The following SLC35F3 variants were observed in gnomAD, a reference collection of about 807,000 sequenced individuals.
SLC35F3 encodes the protein putative thiamine transporter SLC35F3.
A neutral mutation model predicts 49.9 loss-of-function variants in SLC35F3; 25 were observed. The ratio of observed to expected loss-of-function variants is 0.50; its 90% confidence interval spans 0.37 to 0.70. SLC35F3 has a LOEUF of 0.70. SLC35F3 is among the 30% of genes least tolerant of loss of function. The pLI, the probability that SLC35F3 is intolerant of heterozygous loss-of-function variation, is 0.00. For synonymous variants in SLC35F3, 275 were observed against 265.4 expected, an observed-to-expected ratio of 1.04 and a Z score of -0.35; for missense variants, 525 against 639.8, an observed-to-expected ratio of 0.82 and a Z score of 1.94.
At chr1:234,167,950 A>G (rs376105332) in intron 2 of SLC35F3, among the ~76,000 whole-genome samples, 2 of 152,230 alleles carry the variant, frequency 1.3e-5, no homozygotes, top group African/African-American at 2.4e-5. Flanking sequence ...TTGTGGGCCT[A>G]TAGCCCCTGT....
rs376448202 is a variant in SLC35F3 at position 233,961,411 on chromosome 1, C to T, written c.283+55653C>T. Among the ~76,000 whole-genome samples the T allele has an allele frequency of 8.6e-5, 13 of 151,074 alleles. No homozygotes were observed. The South Asian group carries it at 1.0e-3, about 12-fold the overall frequency. On this transcript the variant is annotated intron_variant, in intron 2 of 7. Transcript: ENST00000366618. ...ACTTGCGTTTCCACCTCCCAAATCC[C>T]GACTGACGTGTCCTCATTTCAGCTT...
At chr1:234,069,362 A>G (rs1664680355) in intron 2 of SLC35F3, among the ~76,000 whole-genome samples, 1 of 150,036 alleles carries the variant, frequency 6.7e-6, no homozygotes, top group African/African-American at 2.5e-5. Context: ...GGTTCAAGTG[A>G]TTCTCCTGGC....
At chr1:234,118,560 G>A (rs12562011) in intron 2 of SLC35F3, among the ~76,000 whole-genome samples, 21,065 of 152,156 alleles carry the variant, frequency 0.14, 3,196 homozygotes, top group East Asian at 0.81. Context: ...GAGGAAGAGG[G>A]AAGAGTGACA....
At chr1:234,148,967 G>C (rs1666034635) in intron 2 of SLC35F3, among the ~76,000 whole-genome samples, 1 of 152,202 alleles carries the variant, frequency 6.6e-6, no homozygotes, top group African/African-American at 2.4e-5. Flanking sequence ...GGGATGGAAT[G>C]GGAGCAGAGA....
chr1:233,955,283 A>G lies in SLC35F3; in HGVS notation c.283+49525A>G, dbSNP rs1316157555. 4.0e-5 allele frequency among the ~76,000 whole-genome samples: 6 copies of G among 151,878 alleles called. No individual in the cohort carries two copies. The East Asian group carries it at 1.2e-3, about 29-fold the overall frequency. Reference sequence around the variant, plus strand: ...AGGAAGAAAGATTTAAATTCCACCAAGAAGGTCTTTCTATTGATTAGAGTA... The same window carrying G: ...AGGAAGAAAGATTTAAATTCCACCAGGAAGGTCTTTCTATTGATTAGAGTA... On this transcript the variant is annotated intron_variant, in intron 2 of 7. Coordinates refer to ENST00000366618, the MANE Select transcript of SLC35F3 (RefSeq NM_173508.4).
Position 234,231,279 on chromosome 1 carries a change from C to T in SLC35F3, c.284-138C>T, listed in dbSNP as rs1667365234. ...TTGCAGCTTGCTGTCACACAGCCGC[C>T]CTGGAAGCCGCCCCTGCACCCGCTA... On this transcript the variant is annotated intron_variant, in intron 2 of 7. Coordinates refer to ENST00000366618, the MANE Select transcript of SLC35F3 (RefSeq NM_173508.4). This position sits in a 1 kb window ranked among gnomAD's most constrained non-coding sequence, Gnocchi z 5.4. 1.0e-5 allele frequency: 7 copies of T among 687,254 alleles called. No individual in the cohort carries two copies. Among genetic ancestry groups the T allele is most frequent in the East Asian group, 2.8e-5 (1 of 35,206 alleles). The allele number at this position is 687,254 out of a possible 1,614,324, so 42.6% of individuals were successfully genotyped here. A position where few individuals can be genotyped will look rare whatever the true frequency, so the allele number is the denominator to read the frequency against.
At chr1:233,905,167 G>T in intron 1 of SLC35F3, 37 bp downstream of exon 1, 2 of 1,548,960 alleles carry the variant, frequency 1.3e-6, no homozygotes. Context: ...GCGAGCCGGC[G>T]GGCGGGAGGC....
intron 2 of SLC35F3, among the ~76,000 whole-genome samples, chr1:234,111,226 T>C (rs1463308019): frequency 1.3e-5 from 2 of 152,212 alleles, no homozygotes; most frequent in Non-Finnish European, 2.9e-5. Context: ...TAATTTAATC[T>C]AGCTCCTGAT....
intron 2 of SLC35F3, among the ~76,000 whole-genome samples, chr1:234,080,784 A>G (rs1422909006): frequency 6.6e-6 from 1 of 152,224 alleles, no homozygotes; most frequent in African/African-American, 2.4e-5. Context: ...ATGGTTACTC[A>G]CAGGTATAAG....
intron 2 of SLC35F3, among the ~76,000 whole-genome samples, chr1:234,019,244 G>A (rs536251310): frequency 1.3e-5 from 2 of 152,288 alleles, no homozygotes; most frequent in African/African-American, 4.8e-5. Context: ...TGTCTCTCCT[G>A]AACCTTGAGT....
intron 2 of SLC35F3, among the ~76,000 whole-genome samples, chr1:234,172,486 C>T (rs1050238064): frequency 2.6e-5 from 4 of 152,158 alleles, no homozygotes; most frequent in African/African-American, 4.8e-5. Context: ...CTTGGCCTCC[C>T]GAAGTGCTAG....
chr1:234,228,736 T>G (rs1667324373), intron 2 of SLC35F3, among the ~76,000 whole-genome samples: 1 of 152,072 alleles, frequency 6.6e-6, no homozygotes. Flanking sequence ...GAGGGGTGTG[T>G]GTATGTGTGT....
chr1:234,133,784 G>A (rs926873320), intron 2 of SLC35F3, among the ~76,000 whole-genome samples: 11 of 152,168 alleles, frequency 7.2e-5, no homozygotes, highest in African/African-American at 2.7e-4. Flanking sequence ...TAAAACTAGC[G>A]GCTTAATTAT....
rs189040802 is a variant in SLC35F3, at chr1:234,087,184, A to G, written c.284-144233A>G. 9.2e-5 allele frequency among the ~76,000 whole-genome samples: 14 copies of G among 152,250 alleles called. No individual in the cohort carries two copies. In the East Asian group the frequency reaches 2.5e-3, roughly 27 times the overall value. On this transcript the variant is annotated intron_variant, in intron 2 of 7. Coordinates refer to ENST00000366618, the MANE Select transcript of SLC35F3 (RefSeq NM_173508.4). ...CCTTTGGTGTGTGCCATGCTCATCTAGGGATGGGGAAAGGGATTCCTCTTC... is the reference window on the plus strand; with the variant it reads ...CCTTTGGTGTGTGCCATGCTCATCTGGGGATGGGGAAAGGGATTCCTCTTC...
At chr1:234,058,261 G>C (rs1572035618) in intron 2 of SLC35F3, among the ~76,000 whole-genome samples, 2 of 129,824 alleles carry the variant, frequency 1.5e-5, no homozygotes, top group East Asian at 4.9e-4. Context: ...AACCAACCTT[G>C]TATTCCTATA....
At chr1:234,095,705 A>G (rs1424731294) in intron 2 of SLC35F3, among the ~76,000 whole-genome samples, 1 of 152,168 alleles carries the variant, frequency 6.6e-6, no homozygotes, top group Non-Finnish European at 1.5e-5. Context: ...GAGTCAACCT[A>G]CTTGGGGTCT....
chr1:234,189,587 A>G (rs1666702149), intron 2 of SLC35F3, among the ~76,000 whole-genome samples: 1 of 151,986 alleles, frequency 6.6e-6, no homozygotes, highest in South Asian at 2.1e-4. Context: ...AAATTACCAA[A>G]CCTAAGAATT....
intron 2 of SLC35F3, among the ~76,000 whole-genome samples, chr1:233,999,920 T>G (rs1663524860): frequency 6.6e-6 from 1 of 152,200 alleles, no homozygotes; most frequent in Non-Finnish European, 1.5e-5. Flanking sequence ...TGAAAACATT[T>G]CAACATTTAG....
At chr1:234,085,910 A>C (rs1179755048) in intron 2 of SLC35F3, among the ~76,000 whole-genome samples, 2 of 152,234 alleles carry the variant, frequency 1.3e-5, no homozygotes, top group Non-Finnish European at 2.9e-5. Context: ...TCACCTGGCA[A>C]TAGTTGATAT....
Sources: allele counts gnomAD v4.1 joint callset (sites outside exome capture counted in the v4.1 genomes callset), GRCh38; gene constraint gnomAD v4.1.1; non-coding constraint Gnocchi (gnomAD v3.1); transcripts MANE v1.5; gene names NCBI Gene and HGNC (gene_info 2026-07-23, HGNC 2026-07-21).